The following CEP63 variants were observed in gnomAD, a reference collection of about 807,000 sequenced individuals.
CEP63 encodes centrosomal protein of 63 kDa.
CEP63 carries 84 observed loss-of-function variants against 89.1 expected under a neutral mutation model. That is an observed-to-expected ratio of 0.94 (90% CI 0.79 to 1.13). The LOEUF (loss-of-function observed/expected upper bound fraction) is 1.13. CEP63 is among the 50% of genes most tolerant of loss of function. The pLI, the probability that CEP63 is intolerant of heterozygous loss-of-function variation, is 0.00. For synonymous variants in CEP63, 267 were observed against 272.5 expected, an observed-to-expected ratio of 0.98 and a Z score of 0.20; for missense variants, 838 against 813.3, an observed-to-expected ratio of 1.03 and a Z score of -0.37.
the CEP63 span, among the ~76,000 whole-genome samples, chr3:134,710,140 AAG>A: frequency 3.3e-5 from 5 of 152,206 alleles, no homozygotes; most frequent in Non-Finnish European, 2.9e-5. Context: ...AGTATCTTTC[AAG>A]AGAGTCTGAA....
At chr3:134,536,734 CTG>C (rs1950846296) in intron 5 of CEP63, 2 of 251,684 alleles carry the variant, frequency 7.9e-6, no homozygotes, top group Non-Finnish European at 1.6e-5. Context: ...AAAATTTAAT[CTG>C]TTCAATTCCT....
chr3:134,596,772 T>C, the CEP63 span, among the ~76,000 whole-genome samples: 2 of 152,190 alleles, frequency 1.3e-5, no homozygotes, highest in Non-Finnish European at 2.9e-5. Flanking sequence ...GGGCAGAACC[T>C]CCAAGTACTT....
At chr3:134,709,622 A>T in the CEP63 span, among the ~76,000 whole-genome samples, 1 of 152,202 alleles carries the variant, frequency 6.6e-6, no homozygotes, top group Non-Finnish European at 1.5e-5. Context: ...TGCATAAACA[A>T]TTCTTACATG....
chr3:134,757,924 G>A, the CEP63 span, among the ~76,000 whole-genome samples: 1 of 152,156 alleles, frequency 6.6e-6, no homozygotes. Flanking sequence ...GTGCAGCCAG[G>A]TGGAAGGAGG....
intron 4 of CEP63, 123 bp downstream of exon 4, chr3:134,532,063 C>A (rs998796637): frequency 1.9e-5 from 12 of 641,864 alleles, no homozygotes; most frequent in Non-Finnish European, 3.3e-5. Context: ...ATCAAAGATA[C>A]AGGAGTGGGA....
intron 13 of CEP63, 62 bp from the exon 14 acceptor site, chr3:134,559,088 T>G: frequency 6.3e-7 from 1 of 1,576,794 alleles, no homozygotes; most frequent in Non-Finnish European, 8.7e-7. Context: ...CCTACATTTC[T>G]GTTGGAAAGA....
the CEP63 span, among the ~76,000 whole-genome samples, chr3:134,714,134 A>G: frequency 6.6e-6 from 1 of 152,206 alleles, no homozygotes; most frequent in African/African-American, 2.4e-5. Context: ...CAAGTTATGG[A>G]GAAAATACAT....
chr3:134,629,248 G>A, the CEP63 span, among the ~76,000 whole-genome samples: 7 of 152,324 alleles, frequency 4.6e-5, no homozygotes, highest in East Asian at 1.4e-3. Context: ...AAGTGGGGAT[G>A]ATATTAGTAT....
At chr3:134,611,370 C>T in the CEP63 span, among the ~76,000 whole-genome samples, 7 of 152,158 alleles carry the variant, frequency 4.6e-5, no homozygotes, top group Admixed American at 2.0e-4. Context: ...CAAAGCAAGA[C>T]CCCTGGGTGT....
At chr3:134,720,475 A>G in the CEP63 span, among the ~76,000 whole-genome samples, 1 of 152,072 alleles carries the variant, frequency 6.6e-6, no homozygotes, top group African/African-American at 2.4e-5. Flanking sequence ...GACAAAGTCT[A>G]ATTTATCTGT....
At chr3:134,633,080 G>A in the CEP63 span, among the ~76,000 whole-genome samples, 44 of 152,174 alleles carry the variant, frequency 2.9e-4, 1 homozygote, top group African/African-American at 1.0e-3. Flanking sequence ...GATAACCTAA[G>A]TATTCCCAAT....
Position 134,520,651 on chromosome 3 carries a change from A to G in CEP63, c.223-11194A>G, listed in dbSNP as rs184807990. Among the ~76,000 whole-genome samples the G allele has an allele frequency of 2.7e-4, 41 of 152,296 alleles. 1 individual carries two copies. Among genetic ancestry groups the G allele is most frequent in the African/African-American group, 8.9e-4 (37 of 41,588 alleles). On this transcript the variant is annotated intron_variant, in intron 3 of 14. Transcript: ENST00000675561. ...TAGAAAACAAGATTTATTAAAAACT[A>G]TATTAAGACAGTGTGGTATTGCAAG...
intron 11 of CEP63, among the ~76,000 whole-genome samples, chr3:134,570,531 C>T (rs1185413659): frequency 1.3e-5 from 2 of 152,190 alleles, no homozygotes; most frequent in African/African-American, 4.8e-5. Context: ...TCATCTCCAT[C>T]TGAAACCAGA....
At chr3:134,617,354 T>C in the CEP63 span, among the ~76,000 whole-genome samples, 1 of 152,236 alleles carries the variant, frequency 6.6e-6, no homozygotes, top group Non-Finnish European at 1.5e-5. Flanking sequence ...ATAAGTCTGC[T>C]AGGAATATCC....
At chr3:134,649,421 G>A in the CEP63 span, among the ~76,000 whole-genome samples, 30 of 152,168 alleles carry the variant, frequency 2.0e-4, no homozygotes, top group Non-Finnish European at 3.8e-4. Context: ...TAGGGGACTC[G>A]TGGGCTGACC....
At chr3:134,632,044 G>T in the CEP63 span, among the ~76,000 whole-genome samples, 1 of 152,046 alleles carries the variant, frequency 6.6e-6, no homozygotes. Context: ...ATCAGGGATA[G>T]AGGAATATTA....
the CEP63 span, among the ~76,000 whole-genome samples, chr3:134,650,300 C>T: frequency 6.6e-6 from 1 of 152,210 alleles, no homozygotes; most frequent in Non-Finnish European, 1.5e-5. Flanking sequence ...CCTTTCATGC[C>T]TTCCATCTAT....
intron 9 of CEP63, among the ~76,000 whole-genome samples, chr3:134,548,823 A>G (rs1004807432): frequency 6.6e-6 from 1 of 152,176 alleles, no homozygotes; most frequent in Non-Finnish European, 1.5e-5. Flanking sequence ...ATTGAAGTAT[A>G]TGTGTACTCT....
chr3:134,640,359 C>T, the CEP63 span, among the ~76,000 whole-genome samples: 1 of 152,056 alleles, frequency 6.6e-6, no homozygotes, highest in Non-Finnish European at 1.5e-5. Flanking sequence ...GTCTGGTATG[C>T]GACTTCAGGC....
Sources: gnomAD v4.1 joint callset for allele counts (sites outside exome capture counted in the v4.1 genomes callset) on GRCh38, gnomAD v4.1.1 for gene constraint, MANE v1.5 for transcripts, NCBI Gene and HGNC (gene_info 2026-07-23, HGNC 2026-07-21) for gene names.